SLC9B1: variants seen among roughly 807,000 people sequenced by gnomAD.
SLC9B1 encodes the protein sodium/hydrogen exchanger 9B1.
SLC9B1 carries 32 observed loss-of-function variants against 51.7 expected under a neutral mutation model. The ratio of observed to expected loss-of-function variants is 0.62; its 90% CI spans 0.47 to 0.83. SLC9B1 has a LOEUF of 0.83. Ranked by LOEUF, SLC9B1 falls within the 40% of genes least tolerant of loss-of-function variation. The probability of loss-of-function intolerance (pLI) is 0.00; values close to 1 mark genes in which losing one functional copy is unlikely to be tolerated. For synonymous variants in SLC9B1, 145 were observed against 212.7 expected (o/e 0.68, Z 2.77); for missense variants, 406 against 613.2 (o/e 0.66, Z 3.57).
At chr4:103,010,903 C>T (rs1741056810) in intron 1 of SLC9B1, among the ~76,000 whole-genome samples, 1 of 152,118 alleles carries the variant, frequency 6.6e-6, no homozygotes, top group Non-Finnish European at 1.5e-5. Context: ...AGCATTTTGC[C>T]CCTTCCCCCA....
At chr4:102,965,481 T>C (rs182300255) in intron 3 of SLC9B1, among the ~76,000 whole-genome samples, 3,053 of 152,198 alleles carry the variant, frequency 0.02, 121 homozygotes, top group African/African-American at 0.071. Context: ...GAGCAAGAAC[T>C]CACTCACTAT....
intron 7 of SLC9B1, among the ~76,000 whole-genome samples, chr4:102,912,806 A>C (rs1223007571): frequency 1.3e-5 from 2 of 152,182 alleles, no homozygotes; most frequent in East Asian, 3.8e-4. Context: ...TGAGCTCAGG[A>C]GTTTGAGGCT....
intron 1 of SLC9B1, among the ~76,000 whole-genome samples, chr4:103,007,526 T>A (rs1213260682): frequency 6.6e-6 from 1 of 151,088 alleles, no homozygotes; most frequent in Non-Finnish European, 1.5e-5. Context: ...TATAAATGCA[T>A]AACAGCCTTG....
rs562274946 is a variant in SLC9B1 at position 102,955,243 on chromosome 4, CT to C, written c.212-5817del. ...CTGATGGCTTTATCAGGGGTTTCTG[CT>C]TTTGCATCTTCCTCATTTTCTCTTG... On this transcript the variant is annotated intron_variant, in intron 3 of 11. Transcript: ENST00000296422. Among the ~76,000 whole-genome samples the C allele has an allele frequency of 1.6e-4, 25 of 152,286 alleles. No individual in the cohort carries two copies. The East Asian group carries it at 4.8e-3, about 29-fold the overall frequency.
chr4:102,892,852 T>G (rs909295649), intron 11 of SLC9B1: 2 of 152,196 alleles, frequency 1.3e-5, no homozygotes, highest in African/African-American at 4.8e-5. Context: ...CCTCATAAAT[T>G]TCTCTGCATG....
Position 102,945,249 on chromosome 4 carries a change from A to C in SLC9B1, c.597T>G (p.Ala199=). 6.2e-7 allele frequency: 1 copy of C among 1,609,578 alleles called. No homozygotes were observed. ...TCATAATGAAGTGTGAAAAAACAGC[A>C]GCTGCACTTGCCTCCATAAGGCATG... ...VGPCLMEASA[A]AVFSHFIMKF... Residue 199 remains alanine (A), a synonymous_variant, in exon 6 of 12, where the codon GCT becomes GCG. Coordinates refer to ENST00000296422, the MANE Select transcript of SLC9B1 (RefSeq NM_139173.4).
intron 1 of SLC9B1, among the ~76,000 whole-genome samples, chr4:103,006,764 A>T (rs1740809780): frequency 1.3e-5 from 2 of 152,358 alleles, no homozygotes; most frequent in South Asian, 4.1e-4. Context: ...GGAATTCAGC[A>T]GCACATGAAA....
chr4:102,943,028 G>C (rs1176318114), intron 6 of SLC9B1, among the ~76,000 whole-genome samples: 1 of 151,970 alleles, frequency 6.6e-6, no homozygotes, highest in African/African-American at 2.4e-5. Flanking sequence ...GACATGAATA[G>C]ACACTTCCCA....
chr4:102,975,152 C>G (rs1442420625), intron 3 of SLC9B1, among the ~76,000 whole-genome samples: 1 of 152,134 alleles, frequency 6.6e-6, no homozygotes, highest in Non-Finnish European at 1.5e-5. Flanking sequence ...CAGGCACACA[C>G]CACAATGCCT....
At chr4:102,885,454 A>G (rs369622813) in intron 11 of SLC9B1, 2 of 1,596,392 alleles carry the variant, frequency 1.3e-6, no homozygotes, top group Non-Finnish European at 1.7e-6. Flanking sequence ...TTACGTGTAC[A>G]CTAAAATTTT....
intron 3 of SLC9B1, among the ~76,000 whole-genome samples, chr4:102,970,272 A>G (rs1738682724): frequency 6.6e-6 from 1 of 152,256 alleles, no homozygotes; most frequent in South Asian, 2.1e-4. Context: ...GAAGCACATC[A>G]GACTAACAGA....
intron 1 of SLC9B1, among the ~76,000 whole-genome samples, chr4:103,018,438 A>G (rs1366036920): frequency 3.9e-5 from 6 of 152,246 alleles, no homozygotes; most frequent in Non-Finnish European, 8.8e-5. Context: ...GACAATACCT[A>G]TGAATGCCCT....
chr4:102,886,418 G>C (rs1733919314), intron 11 of SLC9B1, among the ~76,000 whole-genome samples: 1 of 151,900 alleles, frequency 6.6e-6, no homozygotes, highest in Non-Finnish European at 1.5e-5. Flanking sequence ...TTGAACCCAG[G>C]AGGCAGAGGT....
At chr4:102,920,831 T>C (rs1735835984) in intron 7 of SLC9B1, among the ~76,000 whole-genome samples, 1 of 151,898 alleles carries the variant, frequency 6.6e-6, no homozygotes, top group Non-Finnish European at 1.5e-5. Context: ...ATCAAATAAA[T>C]GAAATAAAGT....
intron 3 of SLC9B1, among the ~76,000 whole-genome samples, chr4:102,987,034 G>T (rs1312752425): frequency 1.3e-5 from 2 of 152,120 alleles, no homozygotes; most frequent in Non-Finnish European, 2.9e-5. Flanking sequence ...TTAGTTGAAA[G>T]ATAAACATGA....
chr4:102,989,432 G>A (rs1739829509), intron 3 of SLC9B1, among the ~76,000 whole-genome samples: 1 of 151,768 alleles, frequency 6.6e-6, no homozygotes, highest in Non-Finnish European at 1.5e-5. Flanking sequence ...AAAACTTAGG[G>A]CCCAATTTTA....
At chr4:103,001,370 T>C (rs1450221131) in intron 1 of SLC9B1, among the ~76,000 whole-genome samples, 2 of 152,232 alleles carry the variant, frequency 1.3e-5, no homozygotes, top group Non-Finnish European at 2.9e-5. Flanking sequence ...TGGATTTTTC[T>C]TTTCTATTAC....
Position 102,962,476 on chromosome 4 carries a change from T to C in SLC9B1, c.212-13049A>G, listed in dbSNP as rs1241504576. 2.4e-5 allele frequency: 12 copies of C among 501,684 alleles called. No individual in the cohort carries two copies. The Admixed American group carries it at 2.6e-4, about 11-fold the overall frequency. 31.1% of individuals were successfully genotyped at this position (501,684 alleles called of 1,614,324 possible). A position where few individuals can be genotyped will look rare whatever the true frequency, so the allele number is the denominator to read the frequency against. On this transcript the variant is annotated intron_variant, in intron 3 of 11. Coordinates refer to ENST00000296422, the MANE Select transcript of SLC9B1 (RefSeq NM_139173.4). ...AGAGCATTTTTGCAGAAATTATGTTTGAATTATTTAATGTACCAGGATTCT... is the reference window on the plus strand; with the variant it reads ...AGAGCATTTTTGCAGAAATTATGTTCGAATTATTTAATGTACCAGGATTCT...
At chr4:103,006,418 C>G (rs531397320) in intron 1 of SLC9B1, among the ~76,000 whole-genome samples, 20 of 152,090 alleles carry the variant, frequency 1.3e-4, no homozygotes, top group African/African-American at 4.8e-4. Flanking sequence ...TTTCTGGAAA[C>G]GTACAACCTC....
Sources: gnomAD v4.1 joint callset for allele counts (sites outside exome capture counted in the v4.1 genomes callset) on GRCh38, gnomAD v4.1.1 for gene constraint, MANE v1.5 for transcripts, NCBI Gene and HGNC (gene_info 2026-07-23, HGNC 2026-07-21) for gene names.